The following CNOT6 variants were observed in gnomAD, a reference collection of about 807,000 sequenced individuals.
CNOT6 encodes CCR4-NOT transcription complex subunit 6, also known as carbon catabolite repression 4 protein.
In CNOT6, 12 loss-of-function variants were observed where a neutral mutation model predicts 61.2. That is an observed-to-expected ratio of 0.20 (90% CI 0.13 to 0.32). The LOEUF is 0.32. CNOT6 is among the 10% of genes least tolerant of loss of function. The probability of loss-of-function intolerance (pLI) is 1.00; values close to 1 mark genes in which losing one functional copy is unlikely to be tolerated. For synonymous variants in CNOT6, 225 were observed against 240.6 expected, an observed-to-expected ratio of 0.94 and a Z score of 0.60; for missense variants, 405 against 663.9, an observed-to-expected ratio of 0.61 and a Z score of 4.28.
intron 10 of CNOT6, 57 bp downstream of exon 10, chr5:180,569,397 A>G (rs1760632878): frequency 1.5e-6 from 2 of 1,332,414 alleles, no homozygotes; most frequent in Admixed American, 1.8e-5. Flanking sequence ...TGATTTAGTA[A>G]TGTTTTGTTT....
chr5:180,578,250 G>A lies in CNOT6; in HGVS notation c.*4050G>A, dbSNP rs115935546. On this transcript the variant is annotated 3_prime_UTR_variant, in exon 12 of 12. Transcript: ENST00000261951. ...TGGTCCTTTTGCATTTAGGATTTTC[G>A]TTGTTGTTACCTTATACCTCATGAT... 1 of 152,544 alleles carries A rather than the reference G, an allele frequency of 6.6e-6. No homozygotes were observed. The highest frequency in any genetic ancestry group is 2.4e-5 in the African/African-American group (1 of 41,416). The allele number at this position is 152,544 out of a possible 1,614,324, so 9.4% of individuals were successfully genotyped here.
chr5:180,529,202 A>AAAG lies in CNOT6; in HGVS notation c.-2-71_-2-70insGAA. 3 of 835,814 alleles carry AAAG rather than the reference A, an allele frequency of 3.6e-6. No individual in the cohort carries two copies. The South Asian group carries it at 4.8e-5, about 13-fold the overall frequency. The allele number at this position is 835,814 out of a possible 1,614,324, so 51.8% of individuals were successfully genotyped here. ...GACAGAGTCAGACTTCGTCTCAAAA[A>AAAG]AAAAAAAAAAAGGTGTTGTGGCTTT... On this transcript the variant is annotated intron_variant, in intron 1 of 11. Transcript: ENST00000261951.
chr5:180,531,426 G>A (rs1046758666), intron 2 of CNOT6, among the ~76,000 whole-genome samples: 3 of 150,652 alleles, frequency 2.0e-5, no homozygotes, highest in African/African-American at 7.3e-5. Flanking sequence ...CTCAGACGAT[G>A]GGCGGCCGGG....
At chr5:180,538,686 G>GTACATATATATATATATA (rs1758845502) in intron 2 of CNOT6, among the ~76,000 whole-genome samples, 1 of 85,082 alleles carries the variant, frequency 1.2e-5, no homozygotes, top group African/African-American at 3.3e-5. Flanking sequence ...TGAGAAAAAG[G>GTACATATATATATATATA]TATATATATA....
chr5:180,570,393 A>G (rs1464076538), intron 10 of CNOT6, among the ~76,000 whole-genome samples: 1 of 152,090 alleles, frequency 6.6e-6, no homozygotes, highest in African/African-American at 2.4e-5. Context: ...AGAAAGAAAA[A>G]CTGAGTTAAA....
chr5:180,569,069 G>A (rs781640968), intron 9 of CNOT6, 41 bp from the exon 10 acceptor site: 26 of 1,438,908 alleles, frequency 1.8e-5, no homozygotes, highest in Middle Eastern at 3.5e-4. Flanking sequence ...GCTGATGGGC[G>A]GGTTTTGTCT....
rs1760970011 is a variant in CNOT6 at position 180,575,671 on chromosome 5, C to G, written c.*1471C>G. 6.6e-6 allele frequency: 1 copy of G among 152,436 alleles called. No homozygotes were observed. The highest frequency in any genetic ancestry group is 2.4e-5 in the African/African-American group (1 of 41,364). 9.4% of individuals were successfully genotyped at this position (152,436 alleles called of 1,614,324 possible). A position where few individuals can be genotyped will look rare whatever the true frequency, so the allele number is the denominator to read the frequency against. On this transcript the variant is annotated 3_prime_UTR_variant, in exon 12 of 12. Coordinates refer to ENST00000261951, the MANE Select transcript of CNOT6 (RefSeq NM_001370472.1). ...CATAGTGCCATTTAGAGATGAAAACCAGCTTTAACTTTGCAAAGTGAACAT... is the reference window on the plus strand; with the variant it reads ...CATAGTGCCATTTAGAGATGAAAACGAGCTTTAACTTTGCAAAGTGAACAT...
At chr5:180,498,151 A>G (rs1756700130) in intron 1 of CNOT6, among the ~76,000 whole-genome samples, 1 of 152,190 alleles carries the variant, frequency 6.6e-6, no homozygotes, top group Admixed American at 6.5e-5. Flanking sequence ...TGAATAAGTA[A>G]TTAGCGAGGT....
chr5:180,552,238 T>A (rs989695797), intron 3 of CNOT6, among the ~76,000 whole-genome samples: 1 of 152,156 alleles, frequency 6.6e-6, no homozygotes, highest in Non-Finnish European at 1.5e-5. Flanking sequence ...AACTTGCTCT[T>A]CTTGTTGAGT....
At chr5:180,508,833 A>ATTTT (rs61361377) in intron 1 of CNOT6, among the ~76,000 whole-genome samples, 2 of 145,834 alleles carry the variant, frequency 1.4e-5, no homozygotes, top group Non-Finnish European at 3.0e-5. Flanking sequence ...TATTATTATT[A>ATTTT]TTTTTTTTTG....
Position 180,564,539 on chromosome 5 carries a change from A to C in CNOT6, c.436A>C (p.Thr146Pro). ...ILNLYQEPDG[T>P]RRLLNYLLDN... ...GAACCTTTATCAGGAACCAGATGGA[A>C]CAAGACGGCTGCTGAACTATTTGCT... is the stretch of plus-strand genomic sequence containing the variant. The change falls in exon 5 of 12, where the codon ACA (threonine) becomes CCA (proline). Residue 146 changes from threonine (T) to proline (P), a missense_variant. Coordinates refer to ENST00000261951, the MANE Select transcript of CNOT6 (RefSeq NM_001370472.1). The C allele has an allele frequency of 6.2e-7, 1 of 1,614,086 alleles. No homozygotes were observed. The highest frequency in any genetic ancestry group is 8.5e-7 in the Non-Finnish European group (1 of 1,179,954).
chr5:180,517,636 C>T (rs1252409077), intron 1 of CNOT6, among the ~76,000 whole-genome samples: 3 of 151,780 alleles, frequency 2.0e-5, no homozygotes, highest in African/African-American at 2.4e-5. Context: ...CTCTGCCTCC[C>T]GGGTTCAAGC....
intron 10 of CNOT6, among the ~76,000 whole-genome samples, chr5:180,570,965 ATAT>A (rs955467716): frequency 5.3e-5 from 8 of 152,240 alleles, no homozygotes; most frequent in African/African-American, 1.9e-4. Flanking sequence ...TAACCAGTAA[ATAT>A]TATCCACCAG....
rs1760959957 is a variant in CNOT6, at chr5:180,575,408, A to G, written c.*1208A>G. The G allele has an allele frequency of 6.6e-6, 1 of 151,170 alleles. No homozygotes were observed. The highest frequency in any genetic ancestry group is 1.5e-5 in the Non-Finnish European group (1 of 67,788). 9.4% of individuals were successfully genotyped at this position (151,170 alleles called of 1,614,324 possible). A position where few individuals can be genotyped will look rare whatever the true frequency, so the allele number is the denominator to read the frequency against. On this transcript the variant is annotated 3_prime_UTR_variant, in exon 12 of 12. Coordinates refer to ENST00000261951, the MANE Select transcript of CNOT6 (RefSeq NM_001370472.1). ...GCTGCTTGTCACCCAGAATACTACT[A>G]TCATGTGAATTCTTTTTGTCGTCAG... is the stretch of plus-strand genomic sequence containing the variant.
intron 2 of CNOT6, among the ~76,000 whole-genome samples, chr5:180,537,074 CA>C (rs1379723746): frequency 6.6e-6 from 1 of 152,202 alleles, no homozygotes. Context: ...TGGTTGCCTC[CA>C]AGTTTTGGCA....
chr5:180,552,466 C>A (rs1302661304), intron 3 of CNOT6, among the ~76,000 whole-genome samples: 1 of 151,490 alleles, frequency 6.6e-6, no homozygotes, highest in African/African-American at 2.4e-5. Context: ...ACGGTGAAAC[C>A]CCGTCTCTAC....
At chr5:180,537,230 CTG>C (rs145285606) in intron 2 of CNOT6, among the ~76,000 whole-genome samples, 1,723 of 152,308 alleles carry the variant, frequency 0.011, 35 homozygotes, top group African/African-American at 0.039. Flanking sequence ...AAGTACCAAA[CTG>C]TATTCTAAAG....
chr5:180,513,699 T>TTTTATTTA (rs70973923), intron 1 of CNOT6, among the ~76,000 whole-genome samples: 1 of 139,930 alleles, frequency 7.1e-6, no homozygotes, highest in African/African-American at 2.6e-5. Flanking sequence ...ATTTATTTAT[T>TTTTATTTA]TTTATTTATT....
rs1761072683 is a variant in CNOT6, at chr5:180,577,759, C to T, written c.*3559C>T. ...TCTGCACTATAAGCTCAAAGAATGT[C>T]ACATCCGCCCAGACAGCTCTTTGAT... On this transcript the variant is annotated 3_prime_UTR_variant, in exon 12 of 12. Coordinates refer to ENST00000261951, the MANE Select transcript of CNOT6 (RefSeq NM_001370472.1). 6.6e-6 allele frequency: 1 copy of T among 152,634 alleles called. No homozygotes were observed. The highest frequency in any genetic ancestry group is 6.5e-5 in the Admixed American group (1 of 15,278). 9.5% of individuals were successfully genotyped at this position (152,634 alleles called of 1,614,324 possible). A position where few individuals can be genotyped will look rare whatever the true frequency, so the allele number is the denominator to read the frequency against.
Sources: gnomAD v4.1 joint callset for allele counts (sites outside exome capture counted in the v4.1 genomes callset) on GRCh38, gnomAD v4.1.1 for gene constraint, MANE v1.5 for transcripts, NCBI Gene and HGNC (gene_info 2026-07-23, HGNC 2026-07-21) for gene names.